The following WDR64 variants were observed in gnomAD, a reference collection of about 807,000 sequenced individuals.
WDR64 encodes WD repeat-containing protein 64.
A neutral mutation model predicts 139.3 loss-of-function variants in WDR64; 112 were observed. The observed-to-expected ratio is 0.80, with a 90% CI of 0.69 to 0.94. The LOEUF (loss-of-function observed/expected upper bound fraction) is 0.94, where lower values mean the gene tolerates loss of function less well. WDR64 is among the 40% of genes least tolerant of loss of function. The pLI is 0.00. For synonymous variants in WDR64, 444 were observed against 437.7 expected (o/e 1.01, Z -0.18); for missense variants, 1,206 against 1,293.1 (o/e 0.93, Z 1.03).
chr1:241,681,117 G>T (rs1204223483), intron 6 of WDR64, among the ~76,000 whole-genome samples: 2 of 151,516 alleles, frequency 1.3e-5, no homozygotes, highest in African/African-American at 4.9e-5. Flanking sequence ...TTTAAAAATT[G>T]TTTAAATTTT....
chr1:241,685,141 A>T (rs1050318432), intron 7 of WDR64, among the ~76,000 whole-genome samples: 1 of 150,524 alleles, frequency 6.6e-6, no homozygotes, highest in Non-Finnish European at 1.5e-5. Context: ...TACATAAATA[A>T]TTCAGATATA....
chr1:241,753,452 T>A (rs1307309254), intron 14 of WDR64, among the ~76,000 whole-genome samples: 1 of 152,128 alleles, frequency 6.6e-6, no homozygotes, highest in Non-Finnish European at 1.5e-5. Context: ...GCCTGTAATC[T>A]CAGCAGTTTG....
Position 241,785,323 on chromosome 1 carries a change from G to A in WDR64, c.2705+1942G>A, listed in dbSNP as rs550009896. Among the ~76,000 whole-genome samples the A allele has an allele frequency of 2.6e-5, 4 of 152,254 alleles. No individual in the cohort carries two copies. The South Asian group carries it at 6.2e-4, about 24-fold the overall frequency. On this transcript the variant is annotated intron_variant, in intron 23 of 27. Coordinates refer to ENST00000437684, the MANE Select transcript of WDR64 (RefSeq NM_001367482.1). ...AGATCAAGGCGCTGGCAGATTCAGCGTCTACTGAGGTCTTGCTCTCTGCTT... is the reference window on the plus strand; with the variant it reads ...AGATCAAGGCGCTGGCAGATTCAGCATCTACTGAGGTCTTGCTCTCTGCTT...
chr1:241,745,960 C>A (rs989938553), intron 13 of WDR64, among the ~76,000 whole-genome samples: 1 of 152,192 alleles, frequency 6.6e-6, no homozygotes, highest in South Asian at 2.1e-4. Flanking sequence ...AGGAGATTGT[C>A]CTCTGCATAA....
At chr1:241,775,357 C>A in intron 21 of WDR64, 147 bp downstream of exon 21, 1 of 586,444 alleles carries the variant, frequency 1.7e-6, no homozygotes, top group South Asian at 3.0e-5. Flanking sequence ...TTATAAATAG[C>A]CTGCTGAATA....
rs753697407 is a variant in WDR64 at position 241,801,246 on chromosome 1, T to C, written c.*31T>C. The C allele has an allele frequency of 6.3e-7, 1 of 1,588,474 alleles. No individual in the cohort carries two copies. The highest frequency in any genetic ancestry group is 8.6e-7 in the Non-Finnish European group (1 of 1,157,324). ...AAAAATCAGAAATGGCTGCTGCACA[T>C]AAAATGGCAACGTTTGGATGATACC... On this transcript the variant is annotated 3_prime_UTR_variant, in exon 28 of 28. Transcript: ENST00000437684.
chr1:241,671,304 T>C (rs1403775222), intron 3 of WDR64, 128 bp downstream of exon 3: 3 of 659,386 alleles, frequency 4.5e-6, no homozygotes, highest in Non-Finnish European at 7.5e-6. Flanking sequence ...TCACTAGGTG[T>C]CGGGGGTGGT....
intron 1 of WDR64, among the ~76,000 whole-genome samples, chr1:241,653,730 A>G (rs920428676): frequency 2.0e-5 from 3 of 151,830 alleles, no homozygotes; most frequent in Non-Finnish European, 4.4e-5. Context: ...TTTTTAGTAG[A>G]GACGGGGTTT....
At chr1:241,736,408 A>G (rs2148232102) in intron 10 of WDR64, among the ~76,000 whole-genome samples, 1 of 132,886 alleles carries the variant, frequency 7.5e-6, no homozygotes. Flanking sequence ...CTCTTTATGG[A>G]AGAGTTTAAA....
intron 13 of WDR64, among the ~76,000 whole-genome samples, chr1:241,744,916 C>T (rs1213957023): frequency 6.6e-6 from 1 of 152,218 alleles, no homozygotes; most frequent in Non-Finnish European, 1.5e-5. Context: ...CCAGACAAAA[C>T]ATCCAGCCAA....
At chr1:241,711,375 G>A (rs1295101493) in intron 8 of WDR64, among the ~76,000 whole-genome samples, 1 of 152,132 alleles carries the variant, frequency 6.6e-6, no homozygotes, top group Non-Finnish European at 1.5e-5. Flanking sequence ...TATTTCAGAG[G>A]AAAAATTAAC....
chr1:241,740,445 T>G (rs1669492655), intron 11 of WDR64, among the ~76,000 whole-genome samples: 1 of 152,192 alleles, frequency 6.6e-6, no homozygotes, highest in Admixed American at 6.5e-5. Context: ...TCAGTCCGTA[T>G]TTACACATGA....
chr1:241,797,795 GA>G (rs924514968), intron 27 of WDR64, among the ~76,000 whole-genome samples: 15 of 148,186 alleles, frequency 1.0e-4, no homozygotes, highest in Admixed American at 2.0e-4. Flanking sequence ...ACCTGGAAAT[GA>G]AAAAAAAAAT....
At chr1:241,783,409 A>T (rs1215073432) in intron 23 of WDR64, 28 bp downstream of exon 23, 1 of 1,529,944 alleles carries the variant, frequency 6.5e-7, no homozygotes, top group East Asian at 2.3e-5. Context: ...CATACTGTGA[A>T]TTCAGTACTG....
At chr1:241,725,770 C>T (rs371082672) in intron 10 of WDR64, among the ~76,000 whole-genome samples, 90 of 152,116 alleles carry the variant, frequency 5.9e-4, no homozygotes, top group African/African-American at 2.0e-3. Flanking sequence ...AATTGAGGTC[C>T]GCTGTGAGTG....
At chr1:241,662,935 C>T (rs1337945677) in intron 2 of WDR64, among the ~76,000 whole-genome samples, 1 of 152,012 alleles carries the variant, frequency 6.6e-6, no homozygotes, top group Non-Finnish European at 1.5e-5. Context: ...TTTAAAAATA[C>T]AAAATTCTCA....
At chr1:241,766,613 A>T (rs1490274335) in intron 16 of WDR64, among the ~76,000 whole-genome samples, 1 of 151,722 alleles carries the variant, frequency 6.6e-6, no homozygotes, top group African/African-American at 2.4e-5. Context: ...AGGCATGAGA[A>T]TTGCTTGAAC....
chr1:241,740,529 A>G (rs895460084), intron 11 of WDR64, among the ~76,000 whole-genome samples: 2 of 152,230 alleles, frequency 1.3e-5, no homozygotes, highest in African/African-American at 4.8e-5. Context: ...CCTAAAGTTG[A>G]GAATTCTTTG....
intron 2 of WDR64, among the ~76,000 whole-genome samples, chr1:241,667,281 C>T (rs1666056817): frequency 6.6e-6 from 1 of 152,104 alleles, no homozygotes; most frequent in Non-Finnish European, 1.5e-5. Flanking sequence ...AATTTGCTGC[C>T]AATGTTTATC....
Sources: allele counts gnomAD v4.1 joint callset (sites outside exome capture counted in the v4.1 genomes callset), GRCh38; gene constraint gnomAD v4.1.1; transcripts MANE v1.5; gene names NCBI Gene and HGNC (gene_info 2026-07-23, HGNC 2026-07-21).